SLX4IP: variants seen among roughly 807,000 people sequenced by gnomAD.
SLX4IP encodes the protein SLX4 interacting protein, also known as protein SLX4IP.
In SLX4IP, 34 loss-of-function variants were observed where a neutral mutation model predicts 32.9. The observed-to-expected ratio is 1.03, with a 90% CI of 0.79 to 1.38. The LOEUF (loss-of-function observed/expected upper bound fraction) is 1.38. Among genes scored for constraint, SLX4IP ranks in the 40% most tolerant of loss-of-function variants. The probability of loss-of-function intolerance (pLI) is 0.00; values close to 1 mark genes in which losing one functional copy is unlikely to be tolerated. For synonymous variants in SLX4IP, 172 were observed against 171.7 expected, an observed-to-expected ratio of 1.00 and a Z score of -0.01; for missense variants, 444 against 479.0, an observed-to-expected ratio of 0.93 and a Z score of 0.68.
chr20:10,556,336 C>G lies in SLX4IP; in HGVS notation c.117+16C>G. 6.2e-7 allele frequency: 1 copy of G among 1,608,796 alleles called. No homozygotes were observed. The highest frequency in any genetic ancestry group is 8.5e-7 in the Non-Finnish European group (1 of 1,177,284). ...GAAGAAAGAGGTACAACAAAACTTT[C>G]TACTATTTAATTGCAAGTAGCTGCT... On this transcript the variant is annotated intron_variant, in intron 3 of 7. Transcript: ENST00000334534.
At chr20:10,484,431 A>G (rs1240240823) in intron 2 of SLX4IP, among the ~76,000 whole-genome samples, 1 of 152,156 alleles carries the variant, frequency 6.6e-6, no homozygotes, top group Non-Finnish European at 1.5e-5. Flanking sequence ...AGGGGAGCTC[A>G]TTGCTTTGGT....
intron 6 of SLX4IP, among the ~76,000 whole-genome samples, chr20:10,617,617 T>C (rs2067052533): frequency 2.0e-5 from 3 of 151,986 alleles, no homozygotes; most frequent in Admixed American, 1.3e-4. Flanking sequence ...AGTATTTATT[T>C]TTTCTTTCTT....
At chr20:10,571,239 G>C (rs1330351975) in intron 4 of SLX4IP, among the ~76,000 whole-genome samples, 1 of 152,174 alleles carries the variant, frequency 6.6e-6, no homozygotes, top group Non-Finnish European at 1.5e-5. Context: ...CTGCTTAGGA[G>C]TATGCTGGAC....
chr20:10,501,293 A>T (rs1236185249), intron 2 of SLX4IP, among the ~76,000 whole-genome samples: 7 of 152,192 alleles, frequency 4.6e-5, no homozygotes, highest in Admixed American at 2.0e-4. Flanking sequence ...GCTATACTCC[A>T]AAAGAAACTA....
At chr20:10,500,388 G>A (rs1320729345) in intron 2 of SLX4IP, among the ~76,000 whole-genome samples, 3 of 151,856 alleles carry the variant, frequency 2.0e-5, no homozygotes, top group East Asian at 1.9e-4. Context: ...CTTGGCCTCC[G>A]AAAGTGCTTG....
intron 2 of SLX4IP, among the ~76,000 whole-genome samples, chr20:10,531,434 G>A (rs2065988745): frequency 6.6e-6 from 1 of 152,182 alleles, no homozygotes; most frequent in South Asian, 2.1e-4. Flanking sequence ...AAAGAAGTGA[G>A]CTCAGTCTTC....
intron 4 of SLX4IP, among the ~76,000 whole-genome samples, chr20:10,585,308 C>T (rs2122530541): frequency 6.6e-6 from 1 of 152,324 alleles, no homozygotes; most frequent in South Asian, 2.1e-4. Flanking sequence ...GATCTTTCAA[C>T]TCTCTTTTCC....
chr20:10,477,748 G>A (rs2065487571), intron 2 of SLX4IP, among the ~76,000 whole-genome samples: 1 of 152,132 alleles, frequency 6.6e-6, no homozygotes, highest in Admixed American at 6.5e-5. Context: ...AAATAAATAA[G>A]CCTTAGCTTA....
chr20:10,594,087 C>T (rs1038608153), intron 4 of SLX4IP, among the ~76,000 whole-genome samples: 3 of 152,122 alleles, frequency 2.0e-5, no homozygotes, highest in African/African-American at 4.8e-5. Context: ...ATGTCCACTT[C>T]GAAGCAGTTT....
At chr20:10,524,017 C>A (rs543901185) in intron 2 of SLX4IP, among the ~76,000 whole-genome samples, 2 of 152,200 alleles carry the variant, frequency 1.3e-5, no homozygotes, top group Non-Finnish European at 2.9e-5. Context: ...GCTGGCTGGT[C>A]GAACGTAAGA....
At chr20:10,544,916 C>CT (rs2066147031) in intron 2 of SLX4IP, among the ~76,000 whole-genome samples, 2 of 152,082 alleles carry the variant, frequency 1.3e-5, no homozygotes, top group African/African-American at 4.8e-5. Context: ...TATGAGTATT[C>CT]TTCCAGGATA....
chr20:10,566,526 T>C (rs1027843928), intron 4 of SLX4IP, among the ~76,000 whole-genome samples: 1 of 152,062 alleles, frequency 6.6e-6, no homozygotes, highest in African/African-American at 2.4e-5. Context: ...GCTGAGGTGG[T>C]CACCTCGCTT....
Position 10,621,420 on chromosome 20 carries a change from T to A in SLX4IP, c.506+6T>A. ...AGAAATGCTCTGAAAGAAATGTAGG[T>A]GCAATGTGTTTCCTTTTTCTCATTT... On this transcript the variant is annotated splice_donor_region_variant and intron_variant, in intron 7 of 7. Transcript: ENST00000334534. 3.7e-6 allele frequency: 6 copies of A among 1,613,300 alleles called. No individual in the cohort carries two copies. Among genetic ancestry groups the A allele is most frequent in the Non-Finnish European group, 5.1e-6 (6 of 1,179,294 alleles).
At chr20:10,500,016 C>G (rs181738258) in intron 2 of SLX4IP, among the ~76,000 whole-genome samples, 2 of 151,710 alleles carry the variant, frequency 1.3e-5, no homozygotes, top group African/African-American at 4.8e-5. Context: ...CCTCTTTTGT[C>G]AGGAGACCAG....
chr20:10,540,123 C>CCTTCCTTT (rs1568730791), intron 2 of SLX4IP, among the ~76,000 whole-genome samples: 1 of 148,888 alleles, frequency 6.7e-6, no homozygotes, highest in Non-Finnish European at 1.5e-5. Flanking sequence ...TTCCTTCCTT[C>CCTTCCTTT]CTTCCTTCCT....
chr20:10,472,490 A>G (rs891851369), intron 2 of SLX4IP, among the ~76,000 whole-genome samples: 1 of 152,144 alleles, frequency 6.6e-6, no homozygotes, highest in African/African-American at 2.4e-5. Flanking sequence ...TTGGACTCCC[A>G]AAGTGCTGGG....
chr20:10,617,614 ATTTTTTCTTTCTTTCTTTCCTTC>A (rs2067052485), intron 6 of SLX4IP, among the ~76,000 whole-genome samples: 1 of 103,250 alleles, frequency 9.7e-6, no homozygotes, highest in East Asian at 2.9e-4. Context: ...CCCAGTATTT[ATTTTTTCTTTCTTTCTTTCCTTC>A]TTTTTTCTTT....
rs147738169 is a variant in SLX4IP at position 10,542,966 on chromosome 20, C to T, written c.28-13265C>T. Among the ~76,000 whole-genome samples the T allele has an allele frequency of 2.0e-4, 30 of 152,268 alleles. No individual in the cohort carries two copies. The East Asian group carries it at 4.4e-3, about 23-fold the overall frequency. Reference sequence around the variant, plus strand: ...TGGAAATGCAGACCAAGACCAGGGTCGAGGAAAAAGTTGTTCACCATCCCC... The same window carrying T: ...TGGAAATGCAGACCAAGACCAGGGTTGAGGAAAAAGTTGTTCACCATCCCC... On this transcript the variant is annotated intron_variant, in intron 2 of 7. Transcript: ENST00000334534.
At chr20:10,514,944 G>A (rs1315226033) in intron 2 of SLX4IP, among the ~76,000 whole-genome samples, 3 of 152,240 alleles carry the variant, frequency 2.0e-5, no homozygotes, top group Non-Finnish European at 2.9e-5. Flanking sequence ...CTGGCTTCAA[G>A]ATCTCTTCTT....
Sources: allele counts gnomAD v4.1 joint callset (sites outside exome capture counted in the v4.1 genomes callset), GRCh38; gene constraint gnomAD v4.1.1; transcripts MANE v1.5; gene names NCBI Gene and HGNC (gene_info 2026-07-23, HGNC 2026-07-21).